The following CNNM1 variants were observed in gnomAD, a reference collection of about 807,000 sequenced individuals.
CNNM1 encodes the protein metal transporter CNNM1.
Under a neutral mutation model 78.8 loss-of-function variants are expected in CNNM1, and 44 were observed. The observed-to-expected ratio is 0.56, with a 90% CI of 0.44 to 0.72. The LOEUF is 0.72. CNNM1 is among the 30% of genes least tolerant of loss of function. The probability of loss-of-function intolerance (pLI) is 0.00; values close to 1 mark genes in which losing one functional copy is unlikely to be tolerated. For missense variants in CNNM1, 1,101 were observed against 1,292.2 expected (o/e 0.85, Z 2.27); for synonymous variants, 584 against 581.5 (o/e 1.00, Z -0.06).
Position 99,391,593 on chromosome 10 carries a change from TC to T in CNNM1, c.*82del, listed in dbSNP as rs539589934. 5.8e-4 allele frequency: 718 copies of T among 1,231,738 alleles called. 3 individuals are homozygous for T. The Admixed American group carries it at 0.013, about 22-fold the overall frequency. 76.3% of individuals were successfully genotyped at this position (1,231,738 alleles called of 1,614,324 possible). ...AGAATCCACCCTCCCATCATCTGCT[TC>T]CCCCAAGGCCTCCCACAGGTGACAG... On this transcript the variant is annotated 3_prime_UTR_variant, in exon 11 of 11. Transcript: ENST00000356713.
At position 99,330,372 on chromosome 10, in the gene CNNM1, C is replaced by T; in HGVS notation, c.985C>T (p.Leu329Phe). The change falls in exon 1 of 11, where the codon CTC becomes TTC. Residue 329 changes from leucine (L) to phenylalanine (F), a missense_variant. Physicochemically the swap from Leu to Phe is conservative, Grantham distance 22. Coordinates refer to ENST00000356713, the MANE Select transcript of CNNM1 (RefSeq NM_020348.3). ...GATCCACTTCCCGTGGCTGCCGGCGCTCGTGTGCACCGGCGCGGTATTCCT... is the reference window on the plus strand; with the variant it reads ...GATCCACTTCCCGTGGCTGCCGGCGTTCGTGTGCACCGGCGCGGTATTCCT... ...EGIHFPWLPALVCTGAVFLGA... is the reference protein window; with the variant it reads ...EGIHFPWLPAFVCTGAVFLGA... The T allele has an allele frequency of 6.3e-7, 1 of 1,597,680 alleles. No homozygotes were observed. Among genetic ancestry groups the T allele is most frequent in the Non-Finnish European group, 8.5e-7 (1 of 1,173,354 alleles).
At chr10:99,337,886 A>G (rs1462808803) in intron 1 of CNNM1, among the ~76,000 whole-genome samples, 3 of 152,240 alleles carry the variant, frequency 2.0e-5, no homozygotes, top group Admixed American at 6.5e-5. Flanking sequence ...TGGACTATGC[A>G]GCAGAACAAA....
chr10:99,388,486 C>T (rs1354119692), intron 9 of CNNM1, among the ~76,000 whole-genome samples, 185 bp downstream of exon 9: 1 of 152,226 alleles, frequency 6.6e-6, no homozygotes, highest in African/African-American at 2.4e-5. Flanking sequence ...CAGGCCCTGT[C>T]TGATTCATTC....
chr10:99,381,192 C>G (rs529651824), intron 7 of CNNM1, among the ~76,000 whole-genome samples: 1 of 151,994 alleles, frequency 6.6e-6, no homozygotes, highest in Non-Finnish European at 1.5e-5. Context: ...GGGCAGATCA[C>G]CTGAGGTCAG....
chr10:99,349,515 C>T (rs181744894), intron 1 of CNNM1, among the ~76,000 whole-genome samples: 2 of 152,266 alleles, frequency 1.3e-5, no homozygotes, highest in Admixed American at 6.5e-5. Context: ...GCGTAAGAAT[C>T]ACCTGGAGAT....
At chr10:99,356,604 G>GAAAGAAAGAAAGAAAGAAAT (rs1469805680) in intron 1 of CNNM1, among the ~76,000 whole-genome samples, 1 of 64,698 alleles carries the variant, frequency 1.5e-5, no homozygotes, top group East Asian at 5.5e-4. Flanking sequence ...AAGAAAGAAA[G>GAAAGAAAGAAAGAAAGAAAT]AAAAGAAAGA....
chr10:99,330,839 G>T lies in CNNM1; in HGVS notation c.1452G>T (p.Leu484Phe). ...TGGACATTTTATTTGTCAAGGACTT[G>T]GCCTTCGTGGACCCCGACGACTGCA... ...NIVDILFVKDLAFVDPDDCTP... is the reference protein window; with the variant it reads ...NIVDILFVKDFAFVDPDDCTP... Residue 484 changes from leucine to phenylalanine, a missense_variant, in exon 1 of 11, where the codon TTG (leucine) becomes TTT (phenylalanine). Leu to Phe is a conservative substitution (Grantham distance 22, BLOSUM62 0). Around this residue, in one of 3 missense-constraint regions of CNNM1, gnomAD observed 277 missense variants for 423.2 expected, o/e 0.65. Transcript: ENST00000356713. 6.2e-7 allele frequency: 1 copy of T among 1,614,170 alleles called. No individual in the cohort carries two copies. The highest frequency in any genetic ancestry group is 8.5e-7 in the Non-Finnish European group (1 of 1,180,028).
chr10:99,377,960 C>CTTTTTTTTTTTTTTTTTT (rs66722952), intron 7 of CNNM1, among the ~76,000 whole-genome samples: 1 of 89,646 alleles, frequency 1.1e-5, no homozygotes, highest in African/African-American at 4.3e-5. Context: ...TCCATAGGTT[C>CTTTTTTTTTTTTTTTTTT]TTTTTTTTTT....
At chr10:99,384,516 C>G (rs73328362) in intron 7 of CNNM1, among the ~76,000 whole-genome samples, 5,212 of 151,666 alleles carry the variant, frequency 0.034, 274 homozygotes, top group African/African-American at 0.12. Context: ...CCATACACTG[C>G]CGTGCTTCTT....
intron 1 of CNNM1, among the ~76,000 whole-genome samples, chr10:99,337,194 G>A (rs560577591): frequency 5.3e-4 from 81 of 152,276 alleles, no homozygotes; most frequent in Middle Eastern, 3.4e-3. Flanking sequence ...TGCCTCCTAA[G>A]AAGTTACACT....
At chr10:99,340,904 G>GCCTGCCTGCCTGCCTC (rs2030429845) in intron 1 of CNNM1, among the ~76,000 whole-genome samples, 1 of 150,838 alleles carries the variant, frequency 6.6e-6, no homozygotes, top group African/African-American at 2.4e-5. Flanking sequence ...CTGCCTGCCT[G>GCCTGCCTGCCTGCCTC]CCTGCCTGTA....
rs186382874 is a variant in CNNM1, at chr10:99,362,705, A to G, written c.2028+309A>G. Reference sequence around the variant, plus strand: ...GAACTGCTGCTCTGCGGAAGCTATAATACCTCCTCATCTCTGCTTGAACAT... The same window carrying G: ...GAACTGCTGCTCTGCGGAAGCTATAGTACCTCCTCATCTCTGCTTGAACAT... On this transcript the variant is annotated intron_variant, in intron 4 of 10. Transcript: ENST00000356713. 2.8e-3 allele frequency among the ~76,000 whole-genome samples: 429 copies of G among 152,172 alleles called. 3 individuals carry two copies. The highest frequency in any genetic ancestry group is 9.8e-3 in the African/African-American group (408 of 41,524).
At chr10:99,371,955 G>A (rs1310445474) in intron 6 of CNNM1, among the ~76,000 whole-genome samples, 3 of 152,142 alleles carry the variant, frequency 2.0e-5, no homozygotes, top group Non-Finnish European at 4.4e-5. Flanking sequence ...TACAAAAGAT[G>A]TAGGCAGGCA....
rs562598924 is a variant in CNNM1 at position 99,345,981 on chromosome 10, C to T, written c.1574-11531C>T. Among the ~76,000 whole-genome samples the T allele has an allele frequency of 9.9e-5, 15 of 152,118 alleles. No homozygotes were observed. The South Asian group carries it at 2.9e-3, about 30-fold the overall frequency. On this transcript the variant is annotated intron_variant, in intron 1 of 10. Transcript: ENST00000356713. Reference sequence around the variant, plus strand: ...AAGTGCTGGGATTATGAGCCACCACCCTTGATTCTGCATTGCCTCTGGACC... The same window carrying T: ...AAGTGCTGGGATTATGAGCCACCACTCTTGATTCTGCATTGCCTCTGGACC...
chr10:99,332,946 G>A (rs2029983916), intron 1 of CNNM1, among the ~76,000 whole-genome samples: 1 of 152,150 alleles, frequency 6.6e-6, no homozygotes, highest in South Asian at 2.1e-4. Context: ...CAGAAGTAGG[G>A]TCTTAGATCT....
intron 1 of CNNM1, among the ~76,000 whole-genome samples, chr10:99,356,722 T>C (rs1048662376): frequency 6.6e-6 from 1 of 152,020 alleles, no homozygotes; most frequent in African/African-American, 2.4e-5. Flanking sequence ...CAGATCCACT[T>C]CCAAGACCAC....
At chr10:99,379,629 A>G (rs1263753169) in intron 7 of CNNM1, among the ~76,000 whole-genome samples, 2 of 142,020 alleles carry the variant, frequency 1.4e-5, no homozygotes, top group Admixed American at 7.5e-5. Context: ...TTCTACTTTA[A>G]GTGTGGCGGG....
Position 99,330,379 on chromosome 10 carries a change from G to A in CNNM1, c.992G>A (p.Cys331Tyr). Residue 331 changes from cysteine (C) to tyrosine (Y), a missense_variant, in exon 1 of 11, where the codon TGC (cysteine) becomes TAC (tyrosine). This residue lies in a region of CNNM1 where 476 missense variants were observed against 484.5 expected (regional missense o/e 0.98). Transcript: ENST00000356713. ...IHFPWLPALVCTGAVFLGAEI... is the reference protein window; with the variant it reads ...IHFPWLPALVYTGAVFLGAEI... ...TTCCCGTGGCTGCCGGCGCTCGTGTGCACCGGCGCGGTATTCCTGGGCGCC... is the reference window on the plus strand; with the variant it reads ...TTCCCGTGGCTGCCGGCGCTCGTGTACACCGGCGCGGTATTCCTGGGCGCC... The A allele has an allele frequency of 3.1e-6, 5 of 1,596,250 alleles. No individual in the cohort carries two copies. Among genetic ancestry groups the A allele is most frequent in the Non-Finnish European group, 4.3e-6 (5 of 1,172,602 alleles).
intron 7 of CNNM1, among the ~76,000 whole-genome samples, chr10:99,383,792 G>A (rs1285869172): frequency 2.6e-5 from 4 of 152,280 alleles, no homozygotes; most frequent in East Asian, 3.9e-4. Flanking sequence ...CCAGGTCATC[G>A]AAACTGGGCA....
Sources: gnomAD v4.1 joint callset for allele counts (sites outside exome capture counted in the v4.1 genomes callset) on GRCh38, gnomAD v4.1.1 for gene constraint, gnomAD v4.1.1 regional missense constraint, MANE v1.5 for transcripts, NCBI Gene and HGNC (gene_info 2026-07-23, HGNC 2026-07-21) for gene names.